PRPF40B: variants seen among roughly 807,000 people sequenced by gnomAD.
PRPF40B encodes pre-mRNA processing factor 40B, also known as pre-mRNA-processing factor 40 homolog B.
PRPF40B carries 56 observed loss-of-function variants against 124.5 expected under a neutral mutation model. The ratio of observed to expected loss-of-function variants is 0.45; its 90% CI spans 0.36 to 0.56. The LOEUF is 0.56. Ranked by LOEUF, PRPF40B falls within the 20% of genes least tolerant of loss-of-function variation. The pLI is 0.00. For synonymous variants in PRPF40B, 443 were observed against 426.4 expected, an observed-to-expected ratio of 1.04 and a Z score of -0.48; for missense variants, 1,053 against 1,169.5, an observed-to-expected ratio of 0.90 and a Z score of 1.45.
At chr12:49,623,345 C>T (rs1418046668), upstream of PRPF40B, 1 of 191,322 alleles carries the variant, frequency 5.2e-6, no homozygotes, top group African/African-American at 2.4e-5. Flanking sequence ...CCCCGCCCCC[C>T]GGGGGGCGGA....
chr12:49,633,297 C>G (rs1941422098), intron 7 of PRPF40B, 130 bp from the exon 8 acceptor site: 3 of 1,397,128 alleles, frequency 2.1e-6, no homozygotes, highest in Non-Finnish European at 3.0e-6. Flanking sequence ...GTCCACCTTC[C>G]CCAGTTTGAA....
rs751863409 is a variant in PRPF40B, at chr12:49,632,845, T to C, written c.323-10T>C. 15 of 1,613,792 alleles carry C rather than the reference T, an allele frequency of 9.3e-6. No homozygotes were observed. Among genetic ancestry groups the C allele is most frequent in the African/African-American group, 4.0e-5 (3 of 74,898 alleles). The stretch of plus-strand genomic sequence containing the variant: ...AAGGACTTAGTATGTATCCTTTGGC[T>C]TTTTTCTAGCTGCTGTGGCTGGGAC... On this transcript the variant is annotated splice_polypyrimidine_tract_variant and intron_variant, in intron 5 of 25. Coordinates refer to ENST00000548825, the MANE Select transcript of PRPF40B (RefSeq NM_001031698.3).
Position 49,633,900 on chromosome 12 carries a change from A to C in PRPF40B, c.620A>C (p.Gln207Pro). ...KQEAAGKQQQ[Q>P]LPQTLQPQPP... ...CTCATCTGCAGGAAACAGCAGCAGC[A>C]GCTGCCACAGACACTTCAGCCACAG... is the stretch of plus-strand genomic sequence containing the variant. Residue 207 changes from glutamine to proline, a missense_variant, in exon 10 of 26, where the codon CAG becomes CCG. This residue lies in a region of PRPF40B where 895 missense variants were observed against 1,052.2 expected (regional missense o/e 0.85). Coordinates refer to ENST00000548825, the MANE Select transcript of PRPF40B (RefSeq NM_001031698.3). 1.2e-6 allele frequency: 2 copies of C among 1,614,050 alleles called. No individual in the cohort carries two copies.
intron 18 of PRPF40B, chr12:49,638,707 T>G (rs1225065002): frequency 6.6e-6 from 1 of 152,238 alleles, no homozygotes; most frequent in African/African-American, 2.4e-5. Context: ...GGAGGCAGAC[T>G]GCCTACAGTA....
At chr12:49,623,727 G>T in intron 1 of PRPF40B, 134 bp downstream of exon 1, 1 of 1,132,518 alleles carries the variant, frequency 8.8e-7, no homozygotes, top group Non-Finnish European at 1.1e-6. Flanking sequence ...GAGGCCAAGG[G>T]TGAGGGAAGA....
intron 10 of PRPF40B, 77 bp downstream of exon 10, chr12:49,634,169 G>A: frequency 1.3e-6 from 2 of 1,578,682 alleles, no homozygotes; most frequent in Non-Finnish European, 1.7e-6. Flanking sequence ...CCTCTGCTGG[G>A]CCTCTCTCTC....
upstream of PRPF40B, among the ~76,000 whole-genome samples, chr12:49,623,237 C>T (rs1377184573): frequency 5.9e-5 from 9 of 151,930 alleles, no homozygotes; most frequent in Non-Finnish European, 1.0e-4. Context: ...AACGCTTCGG[C>T]TCCTGGAGCG....
Position 49,632,953 on chromosome 12 carries a change from G to T in PRPF40B, c.349-61G>T, listed in dbSNP as rs945058635. ...GGGGACTGATAGTTAAATCTTTGGG[G>T]TGAGGAGAGGCTTTGGAAAAGGGGC... On this transcript the variant is annotated intron_variant, in intron 6 of 25. Transcript: ENST00000548825. 2.5e-6 allele frequency: 4 copies of T among 1,610,786 alleles called. No individual in the cohort carries two copies. The African/African-American group carries it at 5.4e-5, about 22-fold the overall frequency.
chr12:49,633,395 C>G (rs1267747307), intron 7 of PRPF40B, 32 bp from the exon 8 acceptor site: 1 of 1,613,616 alleles, frequency 6.2e-7, no homozygotes, highest in South Asian at 1.1e-5. Context: ...CTTGCCCATC[C>G]CACTGATGGC....
At position 49,642,796 on chromosome 12, in the gene PRPF40B, A is replaced by G; in HGVS notation, c.2118+121A>G. 4 of 1,416,572 alleles carry G rather than the reference A, an allele frequency of 2.8e-6. No homozygotes were observed. The highest frequency in any genetic ancestry group is 1.2e-5 in the South Asian group (1 of 80,618). The allele number at this position is 1,416,572 out of a possible 1,614,324, so 87.8% of individuals were successfully genotyped here. A position where few individuals can be genotyped will look rare whatever the true frequency, so the allele number is the denominator to read the frequency against. On this transcript the variant is annotated intron_variant, in intron 21 of 25. Coordinates refer to ENST00000548825, the MANE Select transcript of PRPF40B (RefSeq NM_001031698.3). This position sits in a 1 kb window ranked among gnomAD's most constrained non-coding sequence, Gnocchi z 5.8. The stretch of plus-strand genomic sequence containing the variant: ...CACTCCTGGCCAGCTAAGGAAGGGG[A>G]GGCCTGAGGATCCCTGGGATAGGCA...
chr12:49,640,928 G>A (rs1942551891), intron 18 of PRPF40B: 1 of 152,192 alleles, frequency 6.6e-6, no homozygotes, highest in African/African-American at 2.4e-5. Context: ...TGAATGCTGT[G>A]TTGATAAGGA....
chr12:49,633,507 G>C lies in PRPF40B; in HGVS notation c.540G>C (p.Glu180Asp). The C allele has an allele frequency of 6.2e-7, 1 of 1,614,220 alleles. No homozygotes were observed. Among genetic ancestry groups the C allele is most frequent in the South Asian group, 1.1e-5 (1 of 91,082 alleles). ...ATTACTATAACAACCAGAGTAAAGA[G>C]TCCCGCTGGACCCGGCCCAAGGATC... ...KPYYYNNQSK[E>D]SRWTRPKDLD... The change falls in exon 8 of 26, where the codon GAG becomes GAC. Residue 180 changes from glutamate to aspartate, a missense_variant. Glu to Asp is a conservative substitution (Grantham distance 45). Around this residue, in one of 2 missense-constraint regions of PRPF40B, gnomAD observed 895 missense variants for 1,052.2 expected, o/e 0.85. Transcript: ENST00000548825.
chr12:49,628,638 C>T (rs1412106719), intron 1 of PRPF40B, among the ~76,000 whole-genome samples: 5 of 150,212 alleles, frequency 3.3e-5, no homozygotes, highest in African/African-American at 1.2e-4. Context: ...GGCGCCTCGG[C>T]TCACTGCAAA....
chr12:49,631,418 C>A lies in PRPF40B; in HGVS notation c.102C>A (p.Ile34=). 2 of 1,397,672 alleles carry A rather than the reference C, an allele frequency of 1.4e-6. No individual in the cohort carries two copies. The highest frequency in any genetic ancestry group is 1.9e-6 in the Non-Finnish European group (2 of 1,053,990). The allele number at this position is 1,397,672 out of a possible 1,614,324, so 86.6% of individuals were successfully genotyped here. Residue 34 remains isoleucine (I), a synonymous_variant, in exon 3 of 26, where the codon ATC becomes ATA. Transcript: ENST00000548825. This position sits in a 1 kb window ranked among gnomAD's most constrained non-coding sequence, Gnocchi z 4.3. ...MPPPFMPPPG[I]PPPFPPMGLP... ...ATTTCCAGATGCCCCCTCCAGGGATCCCCCCACCCTTTCCTCCGATGGGGC... is the reference window on the plus strand; with the variant it reads ...ATTTCCAGATGCCCCCTCCAGGGATACCCCCACCCTTTCCTCCGATGGGGC...
chr12:49,629,028 A>G lies in PRPF40B; in HGVS notation c.4-1517A>G, dbSNP rs1391381650. 2.6e-5 allele frequency among the ~76,000 whole-genome samples: 4 copies of G among 152,216 alleles called. No homozygotes were observed. The East Asian group carries it at 7.7e-4, about 29-fold the overall frequency. ...CCCTAACTTTCAGGCAAAGAGGCAGAAGGGCTGGGCCCTTTAGCTGCATCT... is the reference window on the plus strand; with the variant it reads ...CCCTAACTTTCAGGCAAAGAGGCAGGAGGGCTGGGCCCTTTAGCTGCATCT... On this transcript the variant is annotated intron_variant, in intron 1 of 25. Transcript: ENST00000548825.
At chr12:49,624,228 A>G (rs1274005637) in intron 1 of PRPF40B, 4 of 915,130 alleles carry the variant, frequency 4.4e-6, no homozygotes, top group African/African-American at 1.8e-5. Context: ...TAAAAAGGAA[A>G]TGCATGAAAA....
At position 49,635,051 on chromosome 12, in the gene PRPF40B, GT is replaced by G; in HGVS notation, c.1002-46del. The G allele has an allele frequency of 6.4e-7, 1 of 1,556,176 alleles. No homozygotes were observed. The highest frequency in any genetic ancestry group is 8.7e-7 in the Non-Finnish European group (1 of 1,144,950). ...CCTCCAGTGTGGGCTGTGCAGAGTG[GT>G]TCGGGTGACTTCTCTATCCCCACCC... is the stretch of plus-strand genomic sequence containing the variant. On this transcript the variant is annotated intron_variant, in intron 12 of 25. Transcript: ENST00000548825. This position sits in a 1 kb window ranked among gnomAD's most constrained non-coding sequence, Gnocchi z 4.1.
chr12:49,629,393 A>G (rs568540938), intron 1 of PRPF40B, among the ~76,000 whole-genome samples: 1 of 152,324 alleles, frequency 6.6e-6, no homozygotes, highest in East Asian at 1.9e-4. Flanking sequence ...GCTGATTCCA[A>G]TCTTCTGTTT....
chr12:49,633,345 A>G, intron 7 of PRPF40B, 82 bp from the exon 8 acceptor site: 3 of 1,575,464 alleles, frequency 1.9e-6, no homozygotes, highest in Non-Finnish European at 2.6e-6. Context: ...TGTGTCCTCT[A>G]CTCACTAGGT....
Sources: allele counts gnomAD v4.1 joint callset (sites outside exome capture counted in the v4.1 genomes callset), GRCh38; gene constraint gnomAD v4.1.1; regional missense constraint gnomAD v4.1.1; non-coding constraint Gnocchi (gnomAD v3.1); transcripts MANE v1.5; gene names NCBI Gene and HGNC (gene_info 2026-07-23, HGNC 2026-07-21).